PPEF1: variants seen among roughly 807,000 people sequenced by gnomAD.
The protein encoded by PPEF1 is serine/threonine-protein phosphatase with EF-hands 1.
A neutral mutation model predicts 53.3 loss-of-function variants in PPEF1; 12 were observed. The observed-to-expected ratio is 0.23, with a 90% CI of 0.14 to 0.36. The LOEUF (loss-of-function observed/expected upper bound fraction) is 0.36. Ranked by LOEUF, PPEF1 falls within the 10% of genes least tolerant of loss-of-function variation. The pLI, the probability that PPEF1 is intolerant of heterozygous loss-of-function variation, is 1.00. For missense variants in PPEF1, 334 were observed against 490.4 expected, an observed-to-expected ratio of 0.68 and a Z score of 3.01; for synonymous variants, 165 against 176.7, an observed-to-expected ratio of 0.93 and a Z score of 0.52.
intron 3 of PPEF1, among the ~76,000 whole-genome samples, chrX:18,741,886 C>T (rs150725186): frequency 2.9e-3 from 315 of 107,607 alleles, no homozygotes; most frequent in African/African-American, 0.01. Flanking sequence ...TCACTGCAAC[C>T]TCCACCTTCC....
At position 18,778,992 on chromosome X, in the gene PPEF1, C is replaced by T. The variant is rs1221150630; in HGVS notation, c.559-18C>T. The stretch of plus-strand genomic sequence containing the variant: ...ATTCTTTTAATTCCTTGTTTTTTCC[C>T]TTCTCCTCCTTCCACAGAATGGTCT... On this transcript the variant is annotated intron_variant, in intron 6 of 15. Transcript: ENST00000470157. The T allele has an allele frequency of 1.7e-6, 2 of 1,164,996 alleles. No individual in the cohort carries two copies. The highest frequency in any genetic ancestry group is 2.3e-6 in the Non-Finnish European group (2 of 861,688).
intron 1 of PPEF1, among the ~76,000 whole-genome samples, chrX:18,720,555 G>A (rs1011063409): frequency 8.1e-5 from 9 of 110,439 alleles, no homozygotes; most frequent in Non-Finnish European, 7.6e-5. Flanking sequence ...TCGCGCCACT[G>A]CACTCCATCC....
At chrX:18,813,747 G>C (rs2046853073) in intron 12 of PPEF1, among the ~76,000 whole-genome samples, 1 of 111,804 alleles carries the variant, frequency 8.9e-6, no homozygotes, top group Non-Finnish European at 1.9e-5. Flanking sequence ...GCCTAGTTTG[G>C]GTAGTGTTTT....
At chrX:18,680,714 C>A (rs1225940605), upstream of PPEF1, among the ~76,000 whole-genome samples, 1 of 108,247 alleles carries the variant, frequency 9.2e-6, no homozygotes, top group African/African-American at 3.4e-5. Context: ...TGTGATGCAC[C>A]CATTAACTCG....
intron 6 of PPEF1, among the ~76,000 whole-genome samples, chrX:18,770,070 A>G (rs1481917568): frequency 9.0e-6 from 1 of 111,646 alleles, no homozygotes; most frequent in Non-Finnish European, 1.9e-5. Flanking sequence ...CTTAATCACC[A>G]TGTCATAGAC....
rs2047153964 is a variant in PPEF1, at chrX:18,825,767, T to C, written c.1682T>C (p.Val561Ala). The C allele has an allele frequency of 8.4e-7, 1 of 1,195,450 alleles. No homozygotes were observed. The highest frequency in any genetic ancestry group is 1.1e-6 in the Non-Finnish European group (1 of 886,642). ...TTATTTTAGGCTCATTCTACTCTAG[T>C]TGAAACTCTGTACAGATACAGATCT... ...KPVQEAHSTL[V>A]ETLYRYRSDL... Residue 561 changes from valine to alanine, a missense_variant, in exon 15 of 16, where the codon GTT (valine) becomes GCT (alanine). By Grantham distance (64) the Val-to-Ala change is moderately conservative (BLOSUM62 0). Coordinates refer to ENST00000470157, the MANE Select transcript of PPEF1 (RefSeq NM_001377996.1).
chrX:18,680,945 CTCA>C (rs1282390400), upstream of PPEF1, among the ~76,000 whole-genome samples: 2 of 111,220 alleles, frequency 1.8e-5, no homozygotes, highest in East Asian at 2.8e-4. Flanking sequence ...AGGACATGAA[CTCA>C]TCATTTTTTA....
At chrX:18,826,991 G>C (rs918593291) in intron 15 of PPEF1, among the ~76,000 whole-genome samples, 10 of 111,240 alleles carry the variant, frequency 9.0e-5, no homozygotes, top group Non-Finnish European at 1.7e-4. Flanking sequence ...TTTAGGTCTT[G>C]TAATTTCTAT....
In PPEF1 at chrX:18,784,394, CAT is replaced by C. The variant is rs1423697225; in HGVS notation, c.912+348_912+349del. On this transcript the variant is annotated intron_variant, in intron 9 of 15. Transcript: ENST00000470157. The stretch of plus-strand genomic sequence containing the variant: ...TTATATTGTGGTAAAATATACATAA[CAT>C]AAAACTTGCCACTGTAACCATTTTT... Among the ~76,000 whole-genome samples the C allele has an allele frequency of 1.4e-4, 16 of 111,283 alleles. 1 individual carries two copies. Among genetic ancestry groups the C allele is most frequent in the African/African-American group, 4.9e-4 (15 of 30,612 alleles).
chrX:18,707,696 T>C lies in PPEF1; in HGVS notation c.-85T>C. 1.1e-6 allele frequency: 1 copy of C among 893,271 alleles called. No individual in the cohort carries two copies. The highest frequency in any genetic ancestry group is 1.6e-6 in the Non-Finnish European group (1 of 611,897). 73.6% of individuals were successfully genotyped at this position (893,271 alleles called of 1,213,427 possible). ...AAGAGGATCGGCTAAGAGTGGTTCC[T>C]CGCAGCTTAAAGGGAGGCACTTTTC... On this transcript the variant is annotated 5_prime_UTR_variant, in exon 1 of 16. Transcript: ENST00000470157.
intron 6 of PPEF1, among the ~76,000 whole-genome samples, chrX:18,766,865 A>G (rs953873514): frequency 3.8e-5 from 4 of 105,642 alleles, no homozygotes; most frequent in African/African-American, 1.4e-4. Context: ...CCCAACCAAC[A>G]TGGTGGAACC....
chrX:18,688,487 CT>C (rs928104337), intron 3 of PPEF1, among the ~76,000 whole-genome samples: 2 of 112,822 alleles, frequency 1.8e-5, no homozygotes, highest in African/African-American at 6.4e-5. Flanking sequence ...TAATTTGTTA[CT>C]TTTCTTTAAA....
chrX:18,726,011 G>C (rs2147351954), intron 1 of PPEF1, among the ~76,000 whole-genome samples: 1 of 111,202 alleles, frequency 9.0e-6, no homozygotes, highest in Non-Finnish European at 1.9e-5. Context: ...AGGAGAAGTG[G>C]CAGTAGATGT....
intron 1 of PPEF1, among the ~76,000 whole-genome samples, chrX:18,711,210 A>G (rs1023998336): frequency 9.1e-4 from 98 of 107,987 alleles, no homozygotes; most frequent in African/African-American, 3.2e-3. Context: ...AAATTACTCA[A>G]AAAACAGAAA....
intron 12 of PPEF1, among the ~76,000 whole-genome samples, chrX:18,810,574 C>G (rs1226600812): frequency 8.9e-6 from 1 of 112,282 alleles, no homozygotes; most frequent in Admixed American, 9.5e-5. Flanking sequence ...AATCTATTTT[C>G]TGTCTCTATG....
At chrX:18,795,097 C>T (rs2046405582) in intron 10 of PPEF1, among the ~76,000 whole-genome samples, 1 of 111,304 alleles carries the variant, frequency 9.0e-6, no homozygotes, top group African/African-American at 3.3e-5. Flanking sequence ...ATTGCTTGAG[C>T]CCAGGAGTTG....
chrX:18,738,736 C>T (rs2045061368), intron 3 of PPEF1, among the ~76,000 whole-genome samples: 1 of 112,538 alleles, frequency 8.9e-6, no homozygotes, highest in Non-Finnish European at 1.9e-5. Context: ...AACTTGGTTC[C>T]ATTCTCCCAG....
intron 1 of PPEF1, among the ~76,000 whole-genome samples, chrX:18,714,843 C>T (rs2044418647): frequency 1.8e-5 from 2 of 111,938 alleles, no homozygotes; most frequent in South Asian, 7.3e-4. Context: ...GGAAATGAGG[C>T]TTTGAAAGGC....
At chrX:18,695,817 C>G (rs776178705) in intron 4 of PPEF1, among the ~76,000 whole-genome samples, 1 of 112,259 alleles carries the variant, frequency 8.9e-6, no homozygotes, top group Non-Finnish European at 1.9e-5. Flanking sequence ...TGGAGCCTTT[C>G]GAAAGCTGAA....
Sources: gnomAD v4.1 joint callset for allele counts (sites outside exome capture counted in the v4.1 genomes callset) on GRCh38, gnomAD v4.1.1 for gene constraint, MANE v1.5 for transcripts, NCBI Gene and HGNC (gene_info 2026-07-23, HGNC 2026-07-21) for gene names.